WWP1: variants seen among roughly 807,000 people sequenced by gnomAD.
WWP1 encodes the protein NEDD4-like E3 ubiquitin-protein ligase WWP1.
A neutral mutation model predicts 130.6 loss-of-function variants in WWP1; 49 were observed. The observed-to-expected ratio is 0.38, with a 90% CI of 0.30 to 0.48. WWP1 has a LOEUF of 0.48. Among genes scored for constraint, WWP1 ranks in the 20% least tolerant of loss-of-function variants. The pLI is 0.99. For synonymous variants in WWP1, 332 were observed against 367.8 expected (o/e 0.90, Z 1.11); for missense variants, 809 against 1,100.6 (o/e 0.74, Z 3.75).
chr8:86,459,332 G>A (rs762313384), intron 22 of WWP1, among the ~76,000 whole-genome samples: 14 of 151,890 alleles, frequency 9.2e-5, no homozygotes, highest in South Asian at 2.1e-4. Flanking sequence ...CACCATGCCC[G>A]GCTTTTCTTT....
intron 9 of WWP1, among the ~76,000 whole-genome samples, chr8:86,424,850 G>GAGCGGC (rs1467477987): frequency 1.7e-5 from 2 of 117,964 alleles, no homozygotes; most frequent in African/African-American, 6.3e-5. Context: ...GAGGGGAGGG[G>GAGCGGC]AGGGGGAGGG....
At position 86,448,267 on chromosome 8, in the gene WWP1, C is replaced by T. The variant is rs746100431; in HGVS notation, c.2118C>T (p.Ser706=). 4.4e-6 allele frequency: 7 copies of T among 1,582,886 alleles called. No individual in the cohort carries two copies. In the East Asian group the frequency reaches 1.3e-4, roughly 30 times the overall value. The change falls in exon 19 of 25, where the codon TCC becomes TCT. Residue 706 remains serine (S), a synonymous_variant. Transcript: ENST00000517970. ...LESIDTEFYN[S]LIWIRDNNIE... is the part of the protein sequence containing the mutation. ...CTATTGATACTGAATTTTATAACTC[C>T]CTTATCTGGATAAGGTTTGAAGATT... is the stretch of plus-strand genomic sequence containing the variant.
intron 21 of WWP1, 49 bp downstream of exon 21, chr8:86,452,728 G>T: frequency 6.3e-7 from 1 of 1,596,170 alleles, no homozygotes; most frequent in African/African-American, 1.4e-5. Context: ...TGGGGGGAGG[G>T]ACTAATTTAG....
In WWP1 at chr8:86,461,244, T is replaced by C. The variant is rs201436587; in HGVS notation, c.2520T>C (p.Asn840=). Residue 840 remains asparagine, a synonymous_variant, in exon 23 of 25, where the codon AAT becomes AAC. Coordinates refer to ENST00000517970, the MANE Select transcript of WWP1 (RefSeq NM_007013.4). ...WFWQFVKETD[N]EVRMRLLQFV... ...TACAGTTTGTGAAAGAGACAGACAA[T>C]GAAGTAAGAATGCGACTATTGCAGT... 186 of 1,614,072 alleles carry C rather than the reference T, an allele frequency of 1.2e-4. No individual in the cohort carries two copies. Among genetic ancestry groups the C allele is most frequent in the Non-Finnish European group, 1.5e-4 (172 of 1,179,972 alleles).
At chr8:86,424,131 G>T (rs1429167972) in intron 9 of WWP1, among the ~76,000 whole-genome samples, 1 of 151,374 alleles carries the variant, frequency 6.6e-6, no homozygotes, top group Non-Finnish European at 1.5e-5. Context: ...TCTCAGATGG[G>T]GCGGCCGGGC....
chr8:86,417,596 T>A (rs1404159404), intron 9 of WWP1, among the ~76,000 whole-genome samples: 1 of 152,186 alleles, frequency 6.6e-6, no homozygotes, highest in Non-Finnish European at 1.5e-5. Context: ...TACTGAATAT[T>A]TGTTAGATGG....
At chr8:86,365,425 TTAAAATAA>T (rs1293397569) in intron 1 of WWP1, among the ~76,000 whole-genome samples, 1 of 152,200 alleles carries the variant, frequency 6.6e-6, no homozygotes, top group African/African-American at 2.4e-5. Context: ...TATTGGGTGT[TTAAAATAA>T]ACACCCAAAT....
chr8:86,346,696 TAGAA>T (rs897122764), intron 1 of WWP1, among the ~76,000 whole-genome samples: 5 of 152,212 alleles, frequency 3.3e-5, no homozygotes, highest in African/African-American at 1.2e-4. Flanking sequence ...TCATAATTAT[TAGAA>T]AGACTGTTGT....
intron 2 of WWP1, among the ~76,000 whole-genome samples, chr8:86,372,905 G>GAA (rs1824410473): frequency 6.6e-6 from 1 of 151,788 alleles, no homozygotes; most frequent in Non-Finnish European, 1.5e-5. Context: ...TCCTTTCTTT[G>GAA]GGTTTGTTCT....
At chr8:86,377,174 C>T (rs947661838) in intron 3 of WWP1, among the ~76,000 whole-genome samples, 1 of 152,120 alleles carries the variant, frequency 6.6e-6, no homozygotes, top group Admixed American at 6.5e-5. Flanking sequence ...CAACCTCCCC[C>T]TCCTGGGTTC....
intron 3 of WWP1, among the ~76,000 whole-genome samples, chr8:86,376,363 G>A (rs920472029): frequency 3.3e-5 from 5 of 152,254 alleles, no homozygotes; most frequent in African/African-American, 1.2e-4. Flanking sequence ...GAGGCCAGGA[G>A]TTTGTGACTG....
chr8:86,444,070 T>G (rs1810733141), intron 18 of WWP1, among the ~76,000 whole-genome samples: 1 of 152,188 alleles, frequency 6.6e-6, no homozygotes, highest in African/African-American at 2.4e-5. Flanking sequence ...TAGGAAAACA[T>G]GGATAGAAGC....
Position 86,381,617 on chromosome 8 carries a change from C to G in WWP1, c.322C>G (p.His108Asp). 2 of 1,588,486 alleles carry G rather than the reference C, an allele frequency of 1.3e-6. No homozygotes were observed. The highest frequency in any genetic ancestry group is 1.7e-6 in the Non-Finnish European group (2 of 1,172,996). Residue 108 changes from histidine (H) to aspartate (D), a missense_variant, in exon 5 of 25, where the codon CAC becomes GAC. By Grantham distance (81) the His-to-Asp change is moderately conservative (BLOSUM62 -1). Around this residue, in one of 3 missense-constraint regions of WWP1, gnomAD observed 262 missense variants for 346.0 expected, o/e 0.76. Transcript: ENST00000517970. ...TIDLKQALLIHNRKLERVKEQ... is the reference protein window; with the variant it reads ...TIDLKQALLIDNRKLERVKEQ... ...AGATTTGAAACAAGCTCTGTTGATA[C>G]ACAATAGAAAATGTAAGTTTTTTGT...
At chr8:86,362,163 C>CATATAT (rs34231831) in intron 1 of WWP1, among the ~76,000 whole-genome samples, 3,683 of 58,610 alleles carry the variant, frequency 0.063, 347 homozygotes, top group African/African-American at 0.12. Context: ...ATATACAAGG[C>CATATAT]ATATATATAT....
At chr8:86,397,419 T>C (rs1264197798) in intron 5 of WWP1, among the ~76,000 whole-genome samples, 1 of 67,654 alleles carries the variant, frequency 1.5e-5, no homozygotes, top group Admixed American at 9.8e-5. Context: ...ACCAAACTTA[T>C]TAACATATCT....
intron 5 of WWP1, among the ~76,000 whole-genome samples, chr8:86,391,161 A>G (rs557799763): frequency 6.6e-6 from 1 of 152,286 alleles, no homozygotes; most frequent in South Asian, 2.1e-4. Context: ...GCGTCTTGTT[A>G]GGGAGATTGT....
intron 18 of WWP1, 39 bp downstream of exon 18, chr8:86,442,817 T>A (rs1810658965): frequency 6.5e-7 from 1 of 1,536,794 alleles, no homozygotes; most frequent in Non-Finnish European, 8.7e-7. Flanking sequence ...TTAAGTTTGT[T>A]ACAAATGTAT....
Position 86,467,911 on chromosome 8 carries a change from ATAACAGTTCTATTTAACTGAAT to A in WWP1, c.*1022_*1043del, listed in dbSNP as rs1456691467. The stretch of plus-strand genomic sequence containing the variant: ...GAATATCTTCATTCCTCTCAAATTC[ATAACAGTTCTATTTAACTGAAT>A]TAAATAACCATATGAAAAATCTTTT... On this transcript the variant is annotated 3_prime_UTR_variant, in exon 25 of 25. Transcript: ENST00000517970. 1 of 152,806 alleles carries A rather than the reference ATAACAGTTCTATTTAACTGAAT, an allele frequency of 6.5e-6. No individual in the cohort carries two copies. Among genetic ancestry groups the A allele is most frequent in the Non-Finnish European group, 1.5e-5 (1 of 68,508 alleles). The allele number at this position is 152,806 out of a possible 1,614,324, so 9.5% of individuals were successfully genotyped here. A position where few individuals can be genotyped will look rare whatever the true frequency, so the allele number is the denominator to read the frequency against.
chr8:86,362,163 CATATAT>C (rs34231831), intron 1 of WWP1, among the ~76,000 whole-genome samples: 5,382 of 58,926 alleles, frequency 0.091, 275 homozygotes, highest in East Asian at 0.11. Context: ...ATATACAAGG[CATATAT>C]ATATATATAT....
Sources: allele counts gnomAD v4.1 joint callset (sites outside exome capture counted in the v4.1 genomes callset), GRCh38; gene constraint gnomAD v4.1.1; regional missense constraint gnomAD v4.1.1; transcripts MANE v1.5; gene names NCBI Gene and HGNC (gene_info 2026-07-23, HGNC 2026-07-21).